EYS: variants seen among roughly 807,000 people sequenced by gnomAD.
EYS encodes the protein EGF-like photoreceptor maintenance factor.
In EYS, 250 loss-of-function variants were observed where a neutral mutation model predicts 282.1. That is an observed-to-expected ratio of 0.89 (90% CI 0.80 to 0.98). EYS has a LOEUF of 0.98. EYS is among the 50% of genes least tolerant of loss of function. The pLI is 0.00. For missense variants in EYS, 4,016 were observed against 3,709.0 expected (o/e 1.08, Z -2.15); for synonymous variants, 1,355 against 1,282.9 (o/e 1.06, Z -1.20).
intron 22 of EYS, among the ~76,000 whole-genome samples, chr6:64,774,300 G>A (rs1336313294): frequency 6.6e-6 from 1 of 151,818 alleles, no homozygotes; most frequent in African/African-American, 2.4e-5. Context: ...ACGGAATAAG[G>A]AAGGGGAAAC....
chr6:64,271,050 T>G, intron 30 of EYS, among the ~76,000 whole-genome samples: 1 of 152,238 alleles, frequency 6.6e-6, no homozygotes, highest in East Asian at 1.9e-4. Context: ...CATACTACTT[T>G]TCTTTACCAG....
intron 24 of EYS, among the ~76,000 whole-genome samples, chr6:64,595,570 G>C (rs964972655): frequency 3.9e-5 from 6 of 152,134 alleles, no homozygotes; most frequent in African/African-American, 7.2e-5. Context: ...TCTTAGAGCT[G>C]ATGAACAAAT....
intron 26 of EYS, among the ~76,000 whole-genome samples, chr6:64,490,851 A>G (rs1776717540): frequency 6.6e-6 from 1 of 150,858 alleles, no homozygotes; most frequent in Admixed American, 6.6e-5. Context: ...ATAAAGCATC[A>G]GTTTTTACTA....
chr6:63,932,748 A>C (rs1275764740), intron 35 of EYS, among the ~76,000 whole-genome samples: 1 of 152,236 alleles, frequency 6.6e-6, no homozygotes, highest in Non-Finnish European at 1.5e-5. Flanking sequence ...TTCCCCACAC[A>C]CCAACCAAGC....
At chr6:65,396,565 C>T (rs1766286346) in intron 7 of EYS, among the ~76,000 whole-genome samples, 1 of 152,042 alleles carries the variant, frequency 6.6e-6, no homozygotes, top group South Asian at 2.1e-4. Context: ...TGATAAAGCT[C>T]GACCCTACTT....
intron 12 of EYS, among the ~76,000 whole-genome samples, chr6:65,160,502 T>G (rs769522287): frequency 1.3e-5 from 2 of 150,828 alleles, no homozygotes; most frequent in Non-Finnish European, 1.5e-5. Flanking sequence ...TTTTCAAAGT[T>G]GGGGGCACTT....
At chr6:65,080,656 G>A (rs1293228506) in intron 12 of EYS, among the ~76,000 whole-genome samples, 2 of 151,812 alleles carry the variant, frequency 1.3e-5, no homozygotes, top group Non-Finnish European at 2.9e-5. Flanking sequence ...TGTTAGTCTC[G>A]AGGAATCTCA....
chr6:64,570,284 T>C (rs1582905821), intron 26 of EYS, among the ~76,000 whole-genome samples: 1 of 152,144 alleles, frequency 6.6e-6, no homozygotes, highest in Non-Finnish European at 1.5e-5. Flanking sequence ...CCAGAGCTCC[T>C]GAAGGAAGCA....
intron 26 of EYS, among the ~76,000 whole-genome samples, chr6:64,444,182 T>C (rs1775046301): frequency 6.6e-6 from 1 of 152,186 alleles, no homozygotes; most frequent in Non-Finnish European, 1.5e-5. Context: ...TTCTGACTTC[T>C]TTTTGTTTTC....
At chr6:64,453,896 T>C (rs911467448) in intron 26 of EYS, among the ~76,000 whole-genome samples, 13 of 152,024 alleles carry the variant, frequency 8.6e-5, no homozygotes, top group Non-Finnish European at 1.6e-4. Flanking sequence ...TTAGGAGATA[T>C]ACCTAATGCT....
At chr6:64,149,353 A>G (rs1213294190) in intron 31 of EYS, among the ~76,000 whole-genome samples, 1 of 152,198 alleles carries the variant, frequency 6.6e-6, no homozygotes, top group Non-Finnish European at 1.5e-5. Flanking sequence ...AAGTCCTCCC[A>G]CATATCCAGC....
At chr6:65,546,481 T>G (rs564639181) in intron 2 of EYS, among the ~76,000 whole-genome samples, 1 of 152,322 alleles carries the variant, frequency 6.6e-6, no homozygotes, top group Non-Finnish European at 1.5e-5. Context: ...ATGAAATAAG[T>G]CAATTCAAAT....
chr6:64,001,644 C>T (rs1452452697), intron 33 of EYS, among the ~76,000 whole-genome samples: 2 of 152,148 alleles, frequency 1.3e-5, no homozygotes, highest in African/African-American at 2.4e-5. Flanking sequence ...AAGAAGAGTT[C>T]ATTGCTTAAT....
At chr6:64,255,858 A>G (rs1011252943) in intron 30 of EYS, among the ~76,000 whole-genome samples, 1 of 152,032 alleles carries the variant, frequency 6.6e-6, no homozygotes, top group African/African-American at 2.4e-5. Context: ...ATTCACATTT[A>G]TTATGAAAAA....
At chr6:64,373,190 T>C (rs1212797652) in intron 29 of EYS, among the ~76,000 whole-genome samples, 1 of 152,178 alleles carries the variant, frequency 6.6e-6, no homozygotes, top group Non-Finnish European at 1.5e-5. Context: ...TTTGTGGGGA[T>C]TATGTTCTTT....
At chr6:64,375,625 A>C (rs957040293) in intron 29 of EYS, among the ~76,000 whole-genome samples, 3 of 152,242 alleles carry the variant, frequency 2.0e-5, no homozygotes, top group Admixed American at 6.5e-5. Context: ...ACCTGAAGAC[A>C]GCTGAAGAGC....
chr6:65,212,581 G>A (rs1766201618), intron 12 of EYS, among the ~76,000 whole-genome samples: 1 of 152,052 alleles, frequency 6.6e-6, no homozygotes, highest in Admixed American at 6.5e-5. Flanking sequence ...AGTCTGAGTA[G>A]TCACATTTCA....
chr6:65,394,503 G>A (rs937101020), intron 7 of EYS, among the ~76,000 whole-genome samples: 3 of 152,066 alleles, frequency 2.0e-5, no homozygotes, highest in South Asian at 2.1e-4. Flanking sequence ...TAAGTGAAGT[G>A]CAGCACAGAG....
intron 35 of EYS, among the ~76,000 whole-genome samples, chr6:63,925,802 C>T (rs1260155451): frequency 2.0e-5 from 3 of 152,162 alleles, no homozygotes; most frequent in Non-Finnish European, 4.4e-5. Context: ...TGGCACCACG[C>T]CTGGCTAATT....
Sources: gnomAD v4.1 joint callset for allele counts (sites outside exome capture counted in the v4.1 genomes callset) on GRCh38, gnomAD v4.1.1 for gene constraint, MANE v1.5 for transcripts, NCBI Gene and HGNC (gene_info 2026-07-23, HGNC 2026-07-21) for gene names.